OSBPL10: variants seen among roughly 807,000 people sequenced by gnomAD.
OSBPL10 encodes oxysterol binding protein like 10.
Under a neutral mutation model 81.7 loss-of-function variants are expected in OSBPL10, and 49 were observed. The observed-to-expected ratio is 0.60, with a 90% CI of 0.48 to 0.76. The LOEUF is 0.76. OSBPL10 is among the 30% of genes least tolerant of loss of function. The probability of loss-of-function intolerance (pLI) is 0.00; values close to 1 mark genes in which losing one functional copy is unlikely to be tolerated. For missense variants in OSBPL10, 923 were observed against 987.8 expected, an observed-to-expected ratio of 0.93 and a Z score of 0.88; for synonymous variants, 419 against 383.6, an observed-to-expected ratio of 1.09 and a Z score of -1.08.
At chr3:31,842,929 T>C (rs1212765779) in intron 3 of OSBPL10, among the ~76,000 whole-genome samples, 1 of 152,224 alleles carries the variant, frequency 6.6e-6, no homozygotes, top group Non-Finnish European at 1.5e-5. Flanking sequence ...GGGATATTCC[T>C]AAAACTTTGA....
In OSBPL10 at chr3:31,837,605, A is replaced by C. The variant is rs1023572659; in HGVS notation, c.538-7374T>G. On this transcript the variant is annotated intron_variant, in intron 3 of 11. Transcript: ENST00000396556. ...GTTTCCTGGAAGCACTAGCCAACAA[A>C]ATAGGACTAGAAAACAATCACTGTA... Among the ~76,000 whole-genome samples the C allele has an allele frequency of 2.7e-5, 4 of 150,860 alleles. No individual in the cohort carries two copies. In the Admixed American group the frequency reaches 2.7e-4, roughly 10 times the overall value.
In OSBPL10 at chr3:31,975,486, GCTAAACA is replaced by G. The variant is rs771860028; in HGVS notation, c.281+5406_281+5412del. Among the ~76,000 whole-genome samples the G allele has an allele frequency of 8.7e-4, 133 of 152,278 alleles. 1 individual carries two copies. The highest frequency in any genetic ancestry group is 1.6e-3 in the Non-Finnish European group (106 of 68,022). On this transcript the variant is annotated intron_variant, in intron 1 of 11. Transcript: ENST00000396556. ...GATAAGTGGCACCAAAATGCTGGGG[GCTAAACA>G]CTAAACACTCAACGTATGTTGTTAA...
intron 5 of OSBPL10, among the ~76,000 whole-genome samples, chr3:31,740,813 G>C (rs1031421633): frequency 3.6e-5 from 5 of 137,348 alleles, no homozygotes; most frequent in African/African-American, 1.7e-4. Context: ...AGAAAGAAAA[G>C]AAAAGAATGG....
chr3:31,679,090 A>G (rs1198482309), intron 8 of OSBPL10, among the ~76,000 whole-genome samples: 5 of 152,040 alleles, frequency 3.3e-5, no homozygotes, highest in Admixed American at 2.0e-4. Flanking sequence ...CTGCAGACAC[A>G]GTGGCCCCTG....
chr3:31,994,542 C>T (rs1427009274), intron 2 of OSBPL10, among the ~76,000 whole-genome samples: 1 of 151,080 alleles, frequency 6.6e-6, no homozygotes, highest in East Asian at 2.0e-4. Context: ...GGATGGTCTG[C>T]CAGCCTAACT....
chr3:32,071,783 T>C (rs1699831094), intron 1 of OSBPL10, among the ~76,000 whole-genome samples: 1 of 152,378 alleles, frequency 6.6e-6, no homozygotes, highest in Non-Finnish European at 1.5e-5. Context: ...CAGTTACCAT[T>C]GTTCCTGGCC....
At chr3:32,038,358 C>G (rs1699539586) in intron 2 of OSBPL10, among the ~76,000 whole-genome samples, 1 of 152,314 alleles carries the variant, frequency 6.6e-6, no homozygotes, top group South Asian at 2.1e-4. Context: ...CAGCGTCTCA[C>G]TCTGTCAGCC....
intron 2 of OSBPL10, among the ~76,000 whole-genome samples, chr3:32,017,677 C>T (rs1204400663): frequency 2.0e-5 from 3 of 152,120 alleles, no homozygotes; most frequent in South Asian, 4.1e-4. Context: ...TTTTATTGTT[C>T]GCTGTGTTAC....
At chr3:31,947,909 CAAAAAGCTCTGAAGT>C (rs1390041019) in intron 1 of OSBPL10, among the ~76,000 whole-genome samples, 1 of 151,166 alleles carries the variant, frequency 6.6e-6, no homozygotes, top group African/African-American at 2.5e-5. Flanking sequence ...TCTGATCCCA[CAAAAAGCTCTGAAGT>C]AAACTGTACA....
intron 1 of OSBPL10, among the ~76,000 whole-genome samples, chr3:32,051,722 A>G (rs1699671190): frequency 6.6e-6 from 1 of 152,190 alleles, no homozygotes; most frequent in African/African-American, 2.4e-5. Flanking sequence ...CAGTAATCCA[A>G]CTAAGAAACT....
intron 3 of OSBPL10, among the ~76,000 whole-genome samples, chr3:31,850,504 G>A (rs182461610): frequency 1.3e-5 from 2 of 152,270 alleles, no homozygotes; most frequent in Non-Finnish European, 2.9e-5. Context: ...AGAATAGAGT[G>A]GAGGGGCAAA....
At chr3:31,843,931 G>A (rs1455394260) in intron 3 of OSBPL10, among the ~76,000 whole-genome samples, 1 of 152,226 alleles carries the variant, frequency 6.6e-6, no homozygotes, top group African/African-American at 2.4e-5. Flanking sequence ...CATGAGTCCA[G>A]ATGCTCTGAG....
intron 2 of OSBPL10, among the ~76,000 whole-genome samples, chr3:32,003,878 A>G (rs1699177546): frequency 6.6e-6 from 1 of 152,120 alleles, no homozygotes; most frequent in Admixed American, 6.5e-5. Context: ...ACAAAGTAGA[A>G]AGTTCTAGAA....
chr3:31,675,415 G>A (rs1450018382), intron 8 of OSBPL10, among the ~76,000 whole-genome samples: 5 of 151,996 alleles, frequency 3.3e-5, no homozygotes, highest in Admixed American at 6.5e-5. Flanking sequence ...CAAGTCCTCC[G>A]TCACTCACCA....
At chr3:31,792,532 G>A (rs112495118) in intron 4 of OSBPL10, among the ~76,000 whole-genome samples, 16,933 of 152,088 alleles carry the variant, frequency 0.11, 1,636 homozygotes, top group African/African-American at 0.27. Context: ...TTGTTGCAGC[G>A]GGGCGGAGGG....
intron 8 of OSBPL10, among the ~76,000 whole-genome samples, chr3:31,675,790 C>G (rs1700454901): frequency 6.6e-6 from 1 of 151,724 alleles, no homozygotes; most frequent in South Asian, 2.1e-4. Flanking sequence ...ACTAAAAATA[C>G]CAAAAATTAG....
chr3:31,983,203 T>C (rs1194690985), upstream of OSBPL10, among the ~76,000 whole-genome samples: 3 of 152,224 alleles, frequency 2.0e-5, no homozygotes, highest in African/African-American at 7.2e-5. Flanking sequence ...ATATGAGTGT[T>C]CATTGAGTCC....
chr3:31,761,279 C>A (rs1224207795), intron 4 of OSBPL10, among the ~76,000 whole-genome samples: 1 of 151,776 alleles, frequency 6.6e-6, no homozygotes, highest in Non-Finnish European at 1.5e-5. Context: ...CAAGGCCAGC[C>A]AGGCCAACAT....
At chr3:31,860,263 TG>T (rs1197406008) in intron 3 of OSBPL10, among the ~76,000 whole-genome samples, 2 of 152,194 alleles carry the variant, frequency 1.3e-5, no homozygotes, top group African/African-American at 4.8e-5. Flanking sequence ...AGACCTATGA[TG>T]GGCCAACTCT....
Sources: gnomAD v4.1 joint callset for allele counts (sites outside exome capture counted in the v4.1 genomes callset) on GRCh38, gnomAD v4.1.1 for gene constraint, MANE v1.5 for transcripts, NCBI Gene and HGNC (gene_info 2026-07-23, HGNC 2026-07-21) for gene names.